The following LGSN variants were observed in gnomAD, a reference collection of about 807,000 sequenced individuals.
LGSN encodes lengsin.
In LGSN, 21 loss-of-function variants were observed where a neutral mutation model predicts 19.5. The ratio of observed to expected loss-of-function variants is 1.07; its 90% CI spans 0.76 to 1.55. The LOEUF is 1.55. Among genes scored for constraint, LGSN ranks in the 40% most tolerant of loss-of-function variants. LGSN has a pLI of 0.00. For synonymous variants in LGSN, 257 were observed against 215.6 expected (o/e 1.19, Z -1.68); for missense variants, 673 against 608.5 (o/e 1.11, Z -1.12).
At chr6:63,492,615 G>A in the LGSN span, among the ~76,000 whole-genome samples, 1 of 152,126 alleles carries the variant, frequency 6.6e-6, no homozygotes, top group Non-Finnish European at 1.5e-5. Flanking sequence ...GTGTGCACAC[G>A]GCCCTGCTGA....
At chr6:63,286,551 A>C (rs1767543983) in intron 2 of LGSN, among the ~76,000 whole-genome samples, 1 of 152,242 alleles carries the variant, frequency 6.6e-6, no homozygotes. Flanking sequence ...GAGTTACTCC[A>C]AACCGCACCA....
chr6:63,335,136 C>G, the LGSN span, among the ~76,000 whole-genome samples: 4 of 140,518 alleles, frequency 2.8e-5, no homozygotes, highest in African/African-American at 1.1e-4. Flanking sequence ...GAATGAGACT[C>G]CATCTCAAAA....
chr6:63,477,089 C>T, the LGSN span, among the ~76,000 whole-genome samples: 2 of 152,142 alleles, frequency 1.3e-5, no homozygotes, highest in African/African-American at 4.8e-5. Flanking sequence ...GATACCAAAA[C>T]TGTTGGAAGC....
At chr6:63,413,855 A>C in the LGSN span, among the ~76,000 whole-genome samples, 1 of 152,198 alleles carries the variant, frequency 6.6e-6, no homozygotes, top group African/African-American at 2.4e-5. Flanking sequence ...TAAAGTTAGT[A>C]ATTATTGTTA....
the LGSN span, among the ~76,000 whole-genome samples, chr6:63,460,655 G>C: frequency 6.6e-6 from 1 of 152,028 alleles, no homozygotes; most frequent in Non-Finnish European, 1.5e-5. Flanking sequence ...TATTACTTAA[G>C]TGAAAACTAT....
chr6:63,291,273 C>T (rs1409835119), intron 2 of LGSN, among the ~76,000 whole-genome samples: 1 of 152,138 alleles, frequency 6.6e-6, no homozygotes, highest in Non-Finnish European at 1.5e-5. Context: ...AGTGGAAATT[C>T]CGGGTAACGG....
the LGSN span, among the ~76,000 whole-genome samples, chr6:63,518,154 C>CA: frequency 0.055 from 3,406 of 61,744 alleles, 112 homozygotes; most frequent in African/African-American, 0.12. Context: ...ACTCCGTCTC[C>CA]AAAAAAAAAA....
chr6:63,511,946 G>A, the LGSN span, among the ~76,000 whole-genome samples: 1 of 152,106 alleles, frequency 6.6e-6, no homozygotes. Flanking sequence ...GCAAGCAGAT[G>A]CAGATTGAAA....
At chr6:63,532,861 T>G in the LGSN span, among the ~76,000 whole-genome samples, 1 of 152,234 alleles carries the variant, frequency 6.6e-6, no homozygotes, top group Non-Finnish European at 1.5e-5. Flanking sequence ...AATATATTTT[T>G]TGTTACACTG....
At chr6:63,428,870 T>C in the LGSN span, among the ~76,000 whole-genome samples, 1 of 152,122 alleles carries the variant, frequency 6.6e-6, no homozygotes, top group Non-Finnish European at 1.5e-5. Context: ...GAAACTATGA[T>C]GGAGAAAATT....
chr6:63,516,767 T>C, the LGSN span, among the ~76,000 whole-genome samples: 1 of 152,204 alleles, frequency 6.6e-6, no homozygotes, highest in Non-Finnish European at 1.5e-5. Context: ...CTGGGAAGTA[T>C]TCTTAAAGAA....
the LGSN span, among the ~76,000 whole-genome samples, chr6:63,435,990 T>C: frequency 6.6e-6 from 1 of 151,704 alleles, no homozygotes; most frequent in Non-Finnish European, 1.5e-5. Context: ...CTCACTCTGC[T>C]CCAGCCATAC....
At chr6:63,490,358 C>T in the LGSN span, among the ~76,000 whole-genome samples, 1 of 152,208 alleles carries the variant, frequency 6.6e-6, no homozygotes, top group East Asian at 1.9e-4. Flanking sequence ...TGGATCCTCT[C>T]TTGGAGAGAT....
chr6:63,514,592 T>C, the LGSN span, among the ~76,000 whole-genome samples: 6 of 152,238 alleles, frequency 3.9e-5, no homozygotes, highest in South Asian at 4.1e-4. Flanking sequence ...GTCACAACAA[T>C]GAAATGTCTA....
chr6:63,536,248 C>G, the LGSN span, among the ~76,000 whole-genome samples: 11 of 152,014 alleles, frequency 7.2e-5, no homozygotes, highest in Admixed American at 4.6e-4. Context: ...GAGAATCGCT[C>G]GAACCTGGGA....
chr6:63,376,021 G>C, the LGSN span, among the ~76,000 whole-genome samples: 22 of 152,032 alleles, frequency 1.4e-4, no homozygotes, highest in South Asian at 4.1e-4. Context: ...AAATATAATA[G>C]TACTGAATGA....
At chr6:63,406,031 T>C in the LGSN span, among the ~76,000 whole-genome samples, 1 of 152,136 alleles carries the variant, frequency 6.6e-6, no homozygotes, top group African/African-American at 2.4e-5. Context: ...ATAAAGCAAG[T>C]CCTGAGTGAC....
the LGSN span, among the ~76,000 whole-genome samples, chr6:63,348,386 G>T: frequency 6.6e-6 from 1 of 151,256 alleles, no homozygotes; most frequent in Admixed American, 6.6e-5. Context: ...TCCAGGAGGC[G>T]GAGGTTTCAG....
the LGSN span, among the ~76,000 whole-genome samples, chr6:63,383,731 A>C: frequency 1.1e-4 from 17 of 152,266 alleles, no homozygotes; most frequent in Middle Eastern, 3.4e-3. Context: ...TTATATTTTA[A>C]TAACTTTTTC....
Sources: gnomAD v4.1 joint callset for allele counts (sites outside exome capture counted in the v4.1 genomes callset) on GRCh38, gnomAD v4.1.1 for gene constraint, MANE v1.5 for transcripts, NCBI Gene and HGNC (gene_info 2026-07-23, HGNC 2026-07-21) for gene names.